The following NLGN1 variants were observed in gnomAD, a reference collection of about 807,000 sequenced individuals.
The protein encoded by NLGN1 is neuroligin-1.
NLGN1 carries 12 observed loss-of-function variants against 65.5 expected under a neutral mutation model. The observed-to-expected ratio is 0.18, with a 90% CI of 0.12 to 0.30. The LOEUF (loss-of-function observed/expected upper bound fraction) is 0.30. Among genes scored for constraint, NLGN1 ranks in the 10% least tolerant of loss-of-function variants. NLGN1 has a pLI of 1.00. For synonymous variants in NLGN1, 350 were observed against 359.5 expected (o/e 0.97, Z 0.30); for missense variants, 750 against 1,007.1 (o/e 0.74, Z 3.46).
chr3:173,645,751 G>A (rs557591956), intron 3 of NLGN1, among the ~76,000 whole-genome samples: 9 of 152,290 alleles, frequency 5.9e-5, no homozygotes, highest in African/African-American at 2.2e-4. Context: ...CATGGAGAAT[G>A]AGGGAGAAAA....
chr3:173,867,483 GTTAC>G (rs1369299738), intron 4 of NLGN1, among the ~76,000 whole-genome samples: 1 of 152,044 alleles, frequency 6.6e-6, no homozygotes, highest in African/African-American at 2.4e-5. Flanking sequence ...CTTTAGAGTA[GTTAC>G]TTTATGAATA....
chr3:174,011,115 C>T (rs291924), intron 4 of NLGN1, among the ~76,000 whole-genome samples: 1 of 152,156 alleles, frequency 6.6e-6, no homozygotes, highest in Non-Finnish European at 1.5e-5. Flanking sequence ...GTAACTGTTT[C>T]ATATCAATTA....
At chr3:173,615,737 C>A (rs577167989) in intron 3 of NLGN1, among the ~76,000 whole-genome samples, 1 of 115,810 alleles carries the variant, frequency 8.6e-6, no homozygotes, top group African/African-American at 3.3e-5. Context: ...AACTTTCCAT[C>A]CATCTGTTTT....
chr3:173,501,439 C>A (rs967297111), intron 2 of NLGN1, among the ~76,000 whole-genome samples: 1 of 152,076 alleles, frequency 6.6e-6, no homozygotes, highest in Non-Finnish European at 1.5e-5. Context: ...AAGAACCTAG[C>A]AAATTTTGAT....
chr3:173,454,046 G>T (rs1048202843), intron 2 of NLGN1, among the ~76,000 whole-genome samples: 1 of 152,198 alleles, frequency 6.6e-6, no homozygotes, highest in African/African-American at 2.4e-5. Context: ...GTGTAAACAG[G>T]CATGAAAACA....
intron 4 of NLGN1, among the ~76,000 whole-genome samples, chr3:173,942,283 A>G (rs1401797932): frequency 6.6e-6 from 1 of 152,086 alleles, no homozygotes; most frequent in African/African-American, 2.4e-5. Context: ...AGCACTATCT[A>G]TGGTAGGTCA....
At chr3:173,948,090 G>A (rs148646002) in intron 4 of NLGN1, among the ~76,000 whole-genome samples, 1 of 152,306 alleles carries the variant, frequency 6.6e-6, no homozygotes, top group African/African-American at 2.4e-5. Flanking sequence ...TACAATGTGG[G>A]AGACAGCACA....
chr3:174,190,472 T>C (rs1732179817), intron 4 of NLGN1, among the ~76,000 whole-genome samples: 1 of 152,016 alleles, frequency 6.6e-6, no homozygotes, highest in African/African-American at 2.4e-5. Context: ...TAAATATTTT[T>C]AAAATTAAAC....
In NLGN1 at chr3:174,255,435, C is replaced by CAAAAAAAAAAAAAAAAAAAAAAAAAA. The variant is rs71162383; in HGVS notation, c.647-19859_647-19858insAAAAAAAAAAAAAAAAAAAAAAAAAA. On this transcript the variant is annotated intron_variant, in intron 4 of 6. Coordinates refer to ENST00000457714, the Ensembl canonical transcript of NLGN1. ...TAGGCGATAGAGCAAGACTCTGTCT[C>CAAAAAAAAAAAAAAAAAAAAAAAAAA]AAAAAAAAAAAAAAAAAAAAAGCGC... is the stretch of plus-strand genomic sequence containing the variant. Among the ~76,000 whole-genome samples, 12 of 70,228 alleles carry CAAAAAAAAAAAAAAAAAAAAAAAAAA rather than the reference C, an allele frequency of 1.7e-4. 1 individual carries two copies. The highest frequency in any genetic ancestry group is 8.9e-4 in the East Asian group (2 of 2,240). The allele number at this position is 70,228 out of a possible 152,430, so 46.1% of individuals were successfully genotyped here.
chr3:173,868,805 G>A (rs1578886080), intron 4 of NLGN1, among the ~76,000 whole-genome samples: 1 of 152,072 alleles, frequency 6.6e-6, no homozygotes, highest in African/African-American at 2.4e-5. Context: ...CATCTCAGGT[G>A]GTCTAAGGCT....
intron 2 of NLGN1, among the ~76,000 whole-genome samples, chr3:173,540,121 G>T (rs766251694): frequency 7.9e-5 from 12 of 152,098 alleles, no homozygotes; most frequent in Non-Finnish European, 1.5e-4. Context: ...TCAGAAGAAG[G>T]GTAGTCATCT....
At chr3:173,832,688 G>T (rs761348659) in intron 4 of NLGN1, among the ~76,000 whole-genome samples, 7 of 152,038 alleles carry the variant, frequency 4.6e-5, no homozygotes, top group African/African-American at 1.4e-4. Flanking sequence ...TCTATCTCAC[G>T]TTAAAAACAC....
intron 2 of NLGN1, among the ~76,000 whole-genome samples, chr3:173,597,335 C>T (rs1749649056): frequency 6.6e-6 from 1 of 152,176 alleles, no homozygotes; most frequent in Non-Finnish European, 1.5e-5. Context: ...AATAAGAGGG[C>T]TTGTCTTCTA....
At chr3:174,150,185 A>G (rs903919050) in intron 4 of NLGN1, among the ~76,000 whole-genome samples, 4 of 152,154 alleles carry the variant, frequency 2.6e-5, no homozygotes, top group Non-Finnish European at 4.4e-5. Context: ...TCTCTAAAAT[A>G]TCAGAAATAT....
At chr3:174,108,128 T>A (rs904323115) in intron 4 of NLGN1, among the ~76,000 whole-genome samples, 8 of 152,118 alleles carry the variant, frequency 5.3e-5, no homozygotes, top group African/African-American at 1.9e-4. Flanking sequence ...CACAGAGCAA[T>A]TTTTTAAAAT....
intron 2 of NLGN1, among the ~76,000 whole-genome samples, chr3:173,574,088 AAG>A (rs1047370698): frequency 2.0e-5 from 3 of 151,144 alleles, no homozygotes; most frequent in Non-Finnish European, 4.4e-5. Flanking sequence ...AAAAAAGAAA[AAG>A]AAAAAAGAAA....
intron 4 of NLGN1, among the ~76,000 whole-genome samples, chr3:173,940,743 C>A (rs187051678): frequency 1.5e-3 from 234 of 152,242 alleles, no homozygotes; most frequent in African/African-American, 5.3e-3. Context: ...CTTACAATTT[C>A]TCCCCCAGTG....
At position 173,735,528 on chromosome 3, in the gene NLGN1, T is replaced by C. The variant is rs1469258856; in HGVS notation, c.494-72152T>C. 1.3e-5 allele frequency among the ~76,000 whole-genome samples: 2 copies of C among 152,142 alleles called. 1 individual carries two copies. Among genetic ancestry groups the C allele is most frequent in the African/African-American group, 4.8e-5 (2 of 41,440 alleles). On this transcript the variant is annotated intron_variant, in intron 3 of 6. Coordinates refer to ENST00000457714, the Ensembl canonical transcript of NLGN1. ...TAAAATTTCTTACTGGTTCATGAAA[T>C]ACATTTAACTTCTCATTCTTCTGCA...
At chr3:174,294,078 A>T in the NLGN1 span, among the ~76,000 whole-genome samples, 4 of 151,736 alleles carry the variant, frequency 2.6e-5, no homozygotes, top group African/African-American at 9.7e-5. Context: ...ATGTTATTCA[A>T]ATTTACATTC....
Sources: allele counts gnomAD v4.1 joint callset (sites outside exome capture counted in the v4.1 genomes callset), GRCh38; gene constraint gnomAD v4.1.1; transcripts MANE v1.5; gene names NCBI Gene and HGNC (gene_info 2026-07-23, HGNC 2026-07-21).